Variants in RANBP2 observed in about 807,000 individuals in gnomAD.
RANBP2 encodes the protein E3 SUMO-protein ligase RanBP2.
RANBP2 carries 57 observed loss-of-function variants against 303.6 expected under a neutral mutation model. The observed-to-expected ratio is 0.19, with a 90% CI of 0.15 to 0.23. The LOEUF (loss-of-function observed/expected upper bound fraction) is 0.23, where lower values mean the gene tolerates loss of function less well. Ranked by LOEUF, RANBP2 falls within the 10% of genes least tolerant of loss-of-function variation. The pLI, the probability that RANBP2 is intolerant of heterozygous loss-of-function variation, is 1.00. For missense variants in RANBP2, 3,138 were observed against 3,780.8 expected, an observed-to-expected ratio of 0.83 and a Z score of 4.46; for synonymous variants, 1,167 against 1,301.5, an observed-to-expected ratio of 0.90 and a Z score of 2.23.
At chr2:109,711,098 G>T in the RANBP2 span, among the ~76,000 whole-genome samples, 1 of 151,894 alleles carries the variant, frequency 6.6e-6, no homozygotes, top group Non-Finnish European at 1.5e-5. Context: ...CTTCCTATCT[G>T]CCCCTGGGGA....
At chr2:109,643,193 GA>G in the RANBP2 span, among the ~76,000 whole-genome samples, 58,696 of 133,942 alleles carry the variant, frequency 0.44, 12,869 homozygotes, top group Middle Eastern at 0.61. Flanking sequence ...CTTTTCAAAA[GA>G]AAAAAAAAAA....
chr2:109,171,596 G>A, the RANBP2 span, among the ~76,000 whole-genome samples: 1 of 152,066 alleles, frequency 6.6e-6, no homozygotes, highest in Non-Finnish European at 1.5e-5. Context: ...CCTTCTCGCC[G>A]CCCCTGGTCT....
the RANBP2 span, chr2:108,812,695 T>C: frequency 6.2e-7 from 1 of 1,610,628 alleles, no homozygotes; most frequent in Non-Finnish European, 8.5e-7. Flanking sequence ...CAAGCTCGTT[T>C]AGATAATTTA....
chr2:108,906,348 C>T, the RANBP2 span: 4 of 1,614,090 alleles, frequency 2.5e-6, no homozygotes, highest in Non-Finnish European at 3.4e-6. Flanking sequence ...CATCGAGGAT[C>T]TTTTTCCTCC....
chr2:109,128,842 A>G, the RANBP2 span: 1 of 244,400 alleles, frequency 4.1e-6, no homozygotes, highest in Non-Finnish European at 8.4e-6. Flanking sequence ...CCTGCGCAGG[A>G]GAGGTTCCCC....
At chr2:109,228,285 G>A in the RANBP2 span, among the ~76,000 whole-genome samples, 23 of 152,284 alleles carry the variant, frequency 1.5e-4, no homozygotes, top group Admixed American at 5.2e-4. Context: ...GGCTTTTATT[G>A]TCTCATTAAT....
the RANBP2 span, among the ~76,000 whole-genome samples, chr2:109,229,181 C>T: frequency 6.6e-6 from 1 of 152,156 alleles, no homozygotes; most frequent in Non-Finnish European, 1.5e-5. Flanking sequence ...GAACCAGGGA[C>T]AAAGACCAAA....
the RANBP2 span, among the ~76,000 whole-genome samples, chr2:109,267,248 C>T: frequency 6.6e-6 from 1 of 152,046 alleles, no homozygotes; most frequent in Non-Finnish European, 1.5e-5. Flanking sequence ...TGTAAAGGCA[C>T]ACAATGGAAC....
At chr2:109,081,878 C>T in the RANBP2 span, among the ~76,000 whole-genome samples, 1 of 152,196 alleles carries the variant, frequency 6.6e-6, no homozygotes, top group Non-Finnish European at 1.5e-5. Context: ...GGGGTCTTGT[C>T]GGGGAGATCA....
At position 108,719,612 on chromosome 2, in the gene RANBP2, G is replaced by A; in HGVS notation, c.6G>A (p.Arg2=). 1.2e-6 allele frequency: 2 copies of A among 1,605,010 alleles called. No individual in the cohort carries two copies. Among genetic ancestry groups the A allele is most frequent in the Non-Finnish European group, 1.7e-6 (2 of 1,177,084 alleles). Residue 2 remains arginine (R), a synonymous_variant, in exon 1 of 29, where the codon AGG becomes AGA. Coordinates refer to ENST00000283195, the MANE Select transcript of RANBP2 (RefSeq NM_006267.5). M[R]RSKADVERYI... ...GGAGCCAGGTTGGCGGCGCGATGAG[G>A]CGCAGCAAGGCTGACGTGGAGCGGT...
chr2:109,165,048 A>G, the RANBP2 span, among the ~76,000 whole-genome samples: 135 of 152,292 alleles, frequency 8.9e-4, no homozygotes, highest in African/African-American at 2.7e-3. Context: ...ATCATTTTCC[A>G]TCTCTGTTGG....
the RANBP2 span, among the ~76,000 whole-genome samples, chr2:109,183,353 C>T: frequency 6.6e-6 from 1 of 152,290 alleles, no homozygotes; most frequent in African/African-American, 2.4e-5. Flanking sequence ...TGAGAGTCTA[C>T]ACAGGGAACC....
At chr2:109,667,073 T>A in the RANBP2 span, 1 of 721,072 alleles carries the variant, frequency 1.4e-6, no homozygotes, top group Middle Eastern at 3.8e-4. Context: ...TTTGTGGGTT[T>A]CAAATACACA....
the RANBP2 span, among the ~76,000 whole-genome samples, chr2:109,444,881 A>C: frequency 6.6e-6 from 1 of 152,344 alleles, no homozygotes; most frequent in East Asian, 1.9e-4. Flanking sequence ...AGCATCTTTG[A>C]AATCAGTATG....
the RANBP2 span, among the ~76,000 whole-genome samples, chr2:108,984,298 C>G: frequency 1.3e-5 from 2 of 152,118 alleles, no homozygotes; most frequent in South Asian, 4.1e-4. Flanking sequence ...CAGCAACCGG[C>G]GTGGCATGGG....
the RANBP2 span, among the ~76,000 whole-genome samples, chr2:109,257,631 A>G: frequency 6.6e-6 from 1 of 152,142 alleles, no homozygotes; most frequent in Non-Finnish European, 1.5e-5. Context: ...CATCCCATGA[A>G]GAAGACTTTC....
chr2:109,139,098 C>T, the RANBP2 span, among the ~76,000 whole-genome samples: 1 of 152,174 alleles, frequency 6.6e-6, no homozygotes, highest in Admixed American at 6.5e-5. Flanking sequence ...CACATCTTTA[C>T]TCTTTTATGG....
chr2:108,854,933 A>G, the RANBP2 span, among the ~76,000 whole-genome samples: 1 of 152,244 alleles, frequency 6.6e-6, no homozygotes, highest in Non-Finnish European at 1.5e-5. Flanking sequence ...AATTTATCAT[A>G]TAAACAAAAT....
At chr2:108,842,176 C>T in the RANBP2 span, among the ~76,000 whole-genome samples, 1 of 150,482 alleles carries the variant, frequency 6.6e-6, no homozygotes, top group African/African-American at 2.4e-5. Flanking sequence ...TACAGACGTT[C>T]GCCACCACAC....
Sources: allele counts gnomAD v4.1 joint callset (sites outside exome capture counted in the v4.1 genomes callset), GRCh38; gene constraint gnomAD v4.1.1; transcripts MANE v1.5; gene names NCBI Gene and HGNC (gene_info 2026-07-23, HGNC 2026-07-21).